Variants in MXD3 observed in about 807,000 individuals in gnomAD.
The protein encoded by MXD3 is Max-associated protein 3.
A neutral mutation model predicts 27.5 loss-of-function variants in MXD3; 20 were observed. That is an observed-to-expected ratio of 0.73 (90% CI 0.51 to 1.06). The LOEUF (loss-of-function observed/expected upper bound fraction) is 1.06. Among genes scored for constraint, MXD3 ranks in the 50% least tolerant of loss-of-function variants. The pLI is 0.00. For missense variants in MXD3, 298 were observed against 291.3 expected, an observed-to-expected ratio of 1.02 and a Z score of -0.17; for synonymous variants, 150 against 130.7, an observed-to-expected ratio of 1.15 and a Z score of -1.01.
In MXD3 at chr5:177,307,222, C is replaced by G; in HGVS notation, c.*366G>C. 6.4e-7 allele frequency: 1 copy of G among 1,551,676 alleles called. No homozygotes were observed. The highest frequency in any genetic ancestry group is 2.4e-5 in the East Asian group (1 of 40,924). ...TATGGACGGGAAGTTATGAAAGAGG[C>G]TTTTAATGAAAATACTGTACAGTTT... On this transcript the variant is annotated 3_prime_UTR_variant, in exon 6 of 6. Coordinates refer to ENST00000439742, the MANE Select transcript of MXD3 (RefSeq NM_031300.4).
At position 177,307,666 on chromosome 5, in the gene MXD3, C is replaced by T; in HGVS notation, c.543G>A (p.Gly181=). The T allele has an allele frequency of 6.2e-7, 1 of 1,613,646 alleles. No individual in the cohort carries two copies. Among genetic ancestry groups the T allele is most frequent in the Non-Finnish European group, 8.5e-7 (1 of 1,179,932 alleles). Reference sequence around the variant, plus strand: ...AGCCCCGCAGCAGCTCGGCCTCACCCCCAAACACCAGGCTCTCCACATCCA... The same window carrying T: ...AGCCCCGCAGCAGCTCGGCCTCACCTCCAAACACCAGGCTCTCCACATCCA... The part of the protein sequence containing the change: ...LEVDVESLVF[G]GEAELLRGFV... Residue 181 remains glycine, a synonymous_variant, in exon 6 of 6, where the codon GGG becomes GGA. Transcript: ENST00000439742.
chr5:177,308,520 C>A (rs1182588686), intron 4 of MXD3, among the ~76,000 whole-genome samples: 1 of 152,050 alleles, frequency 6.6e-6, no homozygotes, highest in Non-Finnish European at 1.5e-5. Flanking sequence ...CTACAGGGGC[C>A]CGCCACCATG....
intron 4 of MXD3, among the ~76,000 whole-genome samples, chr5:177,308,378 G>GTT (rs561139172): frequency 2.0e-5 from 3 of 146,450 alleles, no homozygotes; most frequent in African/African-American, 5.0e-5. Flanking sequence ...TTTGTTTTTT[G>GTT]TTTTTTTTTT....
downstream of MXD3, chr5:177,306,115 A>G (rs4631): frequency 0.86 from 1,390,259 of 1,613,252 alleles, 603,844 homozygotes; most frequent in African/African-American, 0.93. Flanking sequence ...GTCTTGCCCG[A>G]TTCAAAAGCA....
intron 2 of MXD3, chr5:177,310,932 AGGGCGCCTGCCAGC>A (rs1472634542): frequency 5.0e-6 from 3 of 599,606 alleles, no homozygotes; most frequent in Admixed American, 3.0e-5. Context: ...GGCCCTAACA[AGGGCGCCTGCCAGC>A]TGGCCAGAAA....
intron 2 of MXD3, chr5:177,311,050 G>T (rs544970271): frequency 4.0e-4 from 222 of 557,082 alleles, no homozygotes; most frequent in African/African-American, 3.9e-3. Context: ...AACAGCATAT[G>T]CAAAGGGCTG....
chr5:177,310,452 G>A lies in MXD3; in HGVS notation c.295C>T (p.Leu99=). The A allele has an allele frequency of 6.2e-7, 1 of 1,612,746 alleles. No homozygotes were observed. The highest frequency in any genetic ancestry group is 1.1e-5 in the South Asian group (1 of 90,966). The change falls in exon 4 of 6, where the codon CTG becomes TTG. Residue 99 remains leucine, a synonymous_variant. Coordinates refer to ENST00000439742, the MANE Select transcript of MXD3 (RefSeq NM_031300.4). ...DCARYTTLSL[L]RRARMHIQKL... ...TGGATGTGCATCCTGGCACGGCGCA[G>A]CAGGCTCAGCGTGGTGTACCGGGCA...
Position 177,307,844 on chromosome 5 carries a change from G to T in MXD3, c.442C>A (p.Arg148=), listed in dbSNP as rs373557433. 1 of 1,610,798 alleles carries T rather than the reference G, an allele frequency of 6.2e-7. No homozygotes were observed. The highest frequency in any genetic ancestry group is 2.2e-5 in the East Asian group (1 of 44,826). Residue 148 remains arginine (R), a synonymous_variant, in exon 5 of 6, where the codon CGG becomes AGG. Coordinates refer to ENST00000439742, the MANE Select transcript of MXD3 (RefSeq NM_031300.4). ...RGLAGAAERE[R]LRADSLDSSG... ...GAGTCCAGACTGTCCGCCCGCAGCC[G>T]CTCCCGCTCGGCCGCCCCTGCCAGC...
chr5:177,311,115 G>C lies in MXD3; in HGVS notation c.176+264C>G, dbSNP rs1356888593. ...GGGGGAGGTGAGTGGCCTGATGTGT[G>C]GGGTGCGGGAGTGCGAGTGGAAGCG... On this transcript the variant is annotated intron_variant, in intron 2 of 5. Transcript: ENST00000439742. 1.7e-5 allele frequency: 9 copies of C among 534,716 alleles called. No individual in the cohort carries two copies. In the East Asian group the frequency reaches 2.8e-4, roughly 17 times the overall value. 33.1% of individuals were successfully genotyped at this position (534,716 alleles called of 1,614,324 possible). A position where few individuals can be genotyped will look rare whatever the true frequency, so the allele number is the denominator to read the frequency against.
chr5:177,312,078 C>A (rs1761053199), upstream of MXD3: 2 of 1,194,490 alleles, frequency 1.7e-6, no homozygotes, highest in Non-Finnish European at 2.1e-6. Context: ...CAGGTAAGGG[C>A]GCTGGCTCCA....
At chr5:177,306,840 G>A (rs1244726060), downstream of MXD3, 9 of 731,138 alleles carry the variant, frequency 1.2e-5, no homozygotes, top group East Asian at 2.7e-5. Flanking sequence ...GTTAACTGGC[G>A]GTAAGTGCTA....
chr5:177,307,939 G>GC lies in MXD3; in HGVS notation c.346dup (p.Ala116GlyfsTer47). 1 of 1,575,236 alleles carries GC rather than the reference G, an allele frequency of 6.3e-7. No individual in the cohort carries two copies. The highest frequency in any genetic ancestry group is 1.2e-5 in the South Asian group (1 of 86,406). ...GCGCAGCCTCTCCTTGAGCTGTCGGGCCCGCTGCTCCTGATCCTCCAGCTT... is the reference window on the plus strand; with the variant it reads ...GCGCAGCCTCTCCTTGAGCTGTCGGGCCCCGCTGCTCCTGATCCTCCAGCTT... On this transcript the variant is annotated frameshift_variant, in exon 5 of 6. Coordinates refer to ENST00000439742, the MANE Select transcript of MXD3 (RefSeq NM_031300.4). LOFTEE classifies it high-confidence loss of function.
At chr5:177,310,362 C>A in intron 4 of MXD3, 64 bp downstream of exon 4, 1 of 1,322,554 alleles carries the variant, frequency 7.6e-7, no homozygotes, top group Non-Finnish European at 1.0e-6. Flanking sequence ...TCCCACCAGC[C>A]CCTCCATAGC....
At chr5:177,312,370 C>CG (rs755709881), upstream of MXD3, 13 of 985,620 alleles carry the variant, frequency 1.3e-5, no homozygotes, top group Non-Finnish European at 1.6e-5. Flanking sequence ...GGGGCGGGGT[C>CG]GGGGAGCCTC....
At chr5:177,311,529 GGTCCCA>G in intron 1 of MXD3, 45 bp from the exon 2 acceptor site, 1 of 1,363,844 alleles carries the variant, frequency 7.3e-7, no homozygotes. Flanking sequence ...GGCTGGACCT[GGTCCCA>G]GCGGCAGCCC....
At chr5:177,312,371 G>A (rs1039875842), upstream of MXD3, 4 of 985,792 alleles carry the variant, frequency 4.1e-6, no homozygotes, top group East Asian at 1.1e-4. Context: ...GGGCGGGGTC[G>A]GGGAGCCTCT....
chr5:177,311,917 T>C, upstream of MXD3: 1 of 1,475,070 alleles, frequency 6.8e-7, no homozygotes, highest in East Asian at 2.7e-5. Flanking sequence ...ACTGACACGG[T>C]GCAACAAACA....
At chr5:177,311,677 A>G (rs1201474595) in intron 1 of MXD3, 84 bp downstream of exon 1, 25 of 1,425,998 alleles carry the variant, frequency 1.8e-5, no homozygotes, top group Non-Finnish European at 2.2e-5. Context: ...AGGGCGGTGC[A>G]TCCTTCAAGC....
At chr5:177,311,184 C>T (rs985178449) in intron 2 of MXD3, 195 bp downstream of exon 2, 20 of 520,806 alleles carry the variant, frequency 3.8e-5, no homozygotes, top group African/African-American at 3.2e-4. Flanking sequence ...TCTAGAGGTG[C>T]TCAAGAAATA....
Sources: gnomAD v4.1 joint callset for allele counts (sites outside exome capture counted in the v4.1 genomes callset) on GRCh38, gnomAD v4.1.1 for gene constraint, MANE v1.5 for transcripts, NCBI Gene and HGNC (gene_info 2026-07-23, HGNC 2026-07-21) for gene names.